The following YBX3 variants were observed in gnomAD, a reference collection of about 807,000 sequenced individuals.
YBX3 encodes Y-box binding protein 3.
Under a neutral mutation model 42.4 loss-of-function variants are expected in YBX3, and 29 were observed. The observed-to-expected ratio is 0.68, with a 90% confidence interval of 0.51 to 0.93. YBX3 has a LOEUF of 0.93. YBX3 is among the 40% of genes least tolerant of loss of function. The pLI is 0.00. For missense variants in YBX3, 517 were observed against 527.5 expected, an observed-to-expected ratio of 0.98 and a Z score of 0.19; for synonymous variants, 195 against 189.8, an observed-to-expected ratio of 1.03 and a Z score of -0.22.
chr12:10,707,436 T>G (rs1412592807), intron 6 of YBX3, among the ~76,000 whole-genome samples: 1 of 152,214 alleles, frequency 6.6e-6, no homozygotes, highest in Admixed American at 6.5e-5. Flanking sequence ...CTCATACTCT[T>G]CACTCAATCC....
intron 9 of YBX3, among the ~76,000 whole-genome samples, chr12:10,700,748 C>T (rs1033645829): frequency 2.0e-5 from 3 of 152,074 alleles, no homozygotes; most frequent in African/African-American, 7.2e-5. Context: ...CAAGATCACC[C>T]AGCAAATGAG....
At chr12:10,717,017 G>T (rs1310911494) in intron 3 of YBX3, among the ~76,000 whole-genome samples, 1 of 152,036 alleles carries the variant, frequency 6.6e-6, no homozygotes, top group East Asian at 1.9e-4. Flanking sequence ...ACCCTAAAAG[G>T]TCTATTAACC....
At position 10,713,201 on chromosome 12, in the gene YBX3, G is replaced by C. The variant is rs1565589830; in HGVS notation, c.573+10C>G. The stretch of plus-strand genomic sequence containing the variant: ...TCTCAATCACTGGTTAAGTAACAGA[G>C]ACAACGTACATTCCGGGGAGGGCCA... On this transcript the variant is annotated intron_variant, in intron 5 of 9. Coordinates refer to ENST00000228251, the MANE Select transcript of YBX3 (RefSeq NM_003651.5). The C allele has an allele frequency of 6.2e-7, 1 of 1,608,876 alleles. No homozygotes were observed. The highest frequency in any genetic ancestry group is 1.1e-5 in the South Asian group (1 of 90,212).
chr12:10,717,897 T>C (rs1014411122), intron 3 of YBX3, 191 bp downstream of exon 3: 18 of 439,574 alleles, frequency 4.1e-5, no homozygotes, highest in Non-Finnish European at 6.4e-5. Flanking sequence ...TTGAAAACAG[T>C]TAATATGATG....
At chr12:10,718,008 C>G in intron 3 of YBX3, 80 bp downstream of exon 3, 1 of 1,240,596 alleles carries the variant, frequency 8.1e-7, no homozygotes, top group Non-Finnish European at 1.1e-6. Context: ...ATCCATAGGA[C>G]TTACTTTTGG....
At position 10,722,989 on chromosome 12, in the gene YBX3, G is replaced by C; in HGVS notation, c.123C>G (p.Pro41=). The C allele has an allele frequency of 8.2e-7, 1 of 1,220,760 alleles. No individual in the cohort carries two copies. The highest frequency in any genetic ancestry group is 4.0e-5 in the South Asian group (1 of 25,146). 75.6% of individuals were successfully genotyped at this position (1,220,760 alleles called of 1,614,324 possible). A position where few individuals can be genotyped will look rare whatever the true frequency, so the allele number is the denominator to read the frequency against. Residue 41 remains proline, a synonymous_variant, in exon 1 of 10, where the codon CCC becomes CCG. Coordinates refer to ENST00000228251, the MANE Select transcript of YBX3 (RefSeq NM_003651.5). Reference sequence around the variant, plus strand: ...CGGCGGGCGCCGGGGCCGCGGCCTGGGGCGCACCGCTGCCCACCGGGCTCT... The same window carrying C: ...CGGCGGGCGCCGGGGCCGCGGCCTGCGGCGCACCGCTGCCCACCGGGCTCT... ...APKSPVGSGA[P]QAAAPAPAAH...
chr12:10,715,460 C>G (rs1353595648), intron 4 of YBX3, among the ~76,000 whole-genome samples: 1 of 151,970 alleles, frequency 6.6e-6, no homozygotes, highest in African/African-American at 2.4e-5. Flanking sequence ...GCAGAGGAAT[C>G]ACTTGAACCT....
intron 8 of YBX3, 117 bp from the exon 9 acceptor site, chr12:10,701,470 TTAAC>T (rs1288247847): frequency 1.5e-6 from 1 of 681,216 alleles, no homozygotes; most frequent in Non-Finnish European, 2.7e-6. Flanking sequence ...ATGCAAAAAT[TTAAC>T]TACTCTTAAG....
In YBX3 at chr12:10,719,098, C is replaced by G. The variant is rs1432369529; in HGVS notation, c.308G>C (p.Gly103Ala). ...GTVKWFNVRN[G>A]YGFINRNDTK... is the part of the protein sequence containing the mutation. ...CACATACCGATTTATAAATCCATAT[C>G]CATTTCTGACGTTGAACCATTTGAC... The change falls in exon 2 of 10, where the codon GGA (glycine) becomes GCA (alanine). Residue 103 changes from glycine to alanine, a missense_variant. By Grantham distance (60) the Gly-to-Ala change is moderately conservative (BLOSUM62 0). This residue lies in a region of YBX3 where 420 missense variants were observed against 408.5 expected (regional missense o/e 1.03). Transcript: ENST00000228251. 1.9e-6 allele frequency: 3 copies of G among 1,613,378 alleles called. No homozygotes were observed. The highest frequency in any genetic ancestry group is 2.5e-6 in the Non-Finnish European group (3 of 1,179,658).
In YBX3 at chr12:10,719,099, C is replaced by A; in HGVS notation, c.307G>T (p.Gly103Ter). ...ACATACCGATTTATAAATCCATATC[C>A]ATTTCTGACGTTGAACCATTTGACA... ...GTVKWFNVRN[G>*]YGFINRNDTK... The change falls in exon 2 of 10, where the codon GGA (glycine) becomes TGA (stop). Residue 103 changes from glycine to a stop codon, truncating the protein, a stop_gained. Coordinates refer to ENST00000228251, the MANE Select transcript of YBX3 (RefSeq NM_003651.5). LOFTEE classifies it high-confidence loss of function. The A allele has an allele frequency of 6.2e-7, 1 of 1,613,380 alleles. No individual in the cohort carries two copies.
chr12:10,710,158 G>A (rs1021956992), intron 5 of YBX3, 44 bp from the exon 6 acceptor site: 2 of 1,591,730 alleles, frequency 1.3e-6, no homozygotes, highest in Non-Finnish European at 8.5e-7. Context: ...GTTTTAGCAA[G>A]GAAAGAACCA....
intron 5 of YBX3, chr12:10,711,913 C>T (rs999858244): frequency 2.0e-5 from 3 of 152,170 alleles, no homozygotes; most frequent in South Asian, 2.1e-4. Flanking sequence ...TCACAGTTAG[C>T]GCTCTGTGAC....
At chr12:10,718,709 G>A (rs538156201) in intron 2 of YBX3, among the ~76,000 whole-genome samples, 2 of 152,332 alleles carry the variant, frequency 1.3e-5, no homozygotes, top group East Asian at 1.9e-4. Flanking sequence ...GTGAGTTAAA[G>A]ATCCAGCTCA....
chr12:10,714,992 C>T (rs551965801), intron 4 of YBX3, among the ~76,000 whole-genome samples: 3 of 151,788 alleles, frequency 2.0e-5, no homozygotes, highest in South Asian at 2.1e-4. Context: ...TCAGGAGATC[C>T]GCCTGCCTCA....
chr12:10,710,534 A>G, intron 5 of YBX3: 1 of 1,179,286 alleles, frequency 8.5e-7, no homozygotes. Context: ...TGTTACCAAC[A>G]TATTTGACCC....
intron 2 of YBX3, 69 bp from the exon 3 acceptor site, chr12:10,718,190 G>A: frequency 6.9e-7 from 1 of 1,453,172 alleles, no homozygotes; most frequent in Non-Finnish European, 9.5e-7. Flanking sequence ...GAACCTATGT[G>A]TTATGAATTT....
At position 10,704,054 on chromosome 12, in the gene YBX3, C is replaced by T. The variant is rs114697298; in HGVS notation, c.875G>A (p.Arg292His). 1.1e-4 allele frequency: 185 copies of T among 1,614,068 alleles called. 1 individual carries two copies. The African/African-American group carries it at 1.4e-3, about 12-fold the overall frequency. ...HRNPTYRPRY[R>H]SRGPPRPRPA... is the part of the protein sequence containing the mutation. ...ATTAGTGGAAAATGCGACATACCTA[C>T]GGTACCTTGGGCGGTAAGTTGGATT... The change falls in exon 7 of 10, where the codon CGT becomes CAT. Residue 292 changes from arginine (R) to histidine (H), a missense_variant. Physicochemically the swap from Arg to His is conservative, Grantham distance 29 (BLOSUM62 0). This residue lies in a region of YBX3 where 420 missense variants were observed against 408.5 expected (regional missense o/e 1.03). Coordinates refer to ENST00000228251, the MANE Select transcript of YBX3 (RefSeq NM_003651.5).
intron 6 of YBX3, among the ~76,000 whole-genome samples, chr12:10,705,987 T>G (rs1948132777): frequency 6.6e-6 from 1 of 152,200 alleles, no homozygotes; most frequent in Non-Finnish European, 1.5e-5. Flanking sequence ...TTCTTTTTGT[T>G]TGAGAATGTT....
intron 6 of YBX3, among the ~76,000 whole-genome samples, chr12:10,706,879 T>C (rs1948143082): frequency 6.6e-6 from 1 of 151,962 alleles, no homozygotes; most frequent in Non-Finnish European, 1.5e-5. Flanking sequence ...TAGCCAGGCG[T>C]GGTGGCGGGT....
Sources: gnomAD v4.1 joint callset for allele counts (sites outside exome capture counted in the v4.1 genomes callset) on GRCh38, gnomAD v4.1.1 for gene constraint, gnomAD v4.1.1 regional missense constraint, MANE v1.5 for transcripts, NCBI Gene and HGNC (gene_info 2026-07-23, HGNC 2026-07-21) for gene names.